Variants in USP24 observed in about 807,000 individuals in gnomAD.
The protein encoded by USP24 is ubiquitin specific peptidase 24.
Under a neutral mutation model 361.6 loss-of-function variants are expected in USP24, and 97 were observed. The observed-to-expected ratio is 0.27, with a 90% CI of 0.23 to 0.32. The LOEUF (loss-of-function observed/expected upper bound fraction) is 0.32, where lower values mean the gene tolerates loss of function less well. Ranked by LOEUF, USP24 falls within the 10% of genes least tolerant of loss-of-function variation. The pLI, the probability that USP24 is intolerant of heterozygous loss-of-function variation, is 1.00. For synonymous variants in USP24, 1,098 were observed against 1,124.6 expected (o/e 0.98, Z 0.47); for missense variants, 2,353 against 3,165.6 (o/e 0.74, Z 6.16).
At chr1:55,124,060 CAAAT>C (rs1339481392) in intron 35 of USP24, among the ~76,000 whole-genome samples, 2 of 151,980 alleles carry the variant, frequency 1.3e-5, no homozygotes, top group African/African-American at 4.8e-5. Flanking sequence ...GCAGGAAGAC[CAAAT>C]AAAGCTGGGA....
chr1:55,083,360 C>T lies in USP24; in HGVS notation c.6887G>A (p.Gly2296Glu). 6.2e-7 allele frequency: 1 copy of T among 1,613,366 alleles called. No individual in the cohort carries two copies. Among genetic ancestry groups the T allele is most frequent in the East Asian group, 2.2e-5 (1 of 44,862 alleles). ...CAGAAGAAGATCTCCAGCCCTAATT[C>T]CTTGCTGTCACAAGATATTGAGAAT... ...FLFNTFVQKQGIRAGDLLLRH... is the reference protein window; with the variant it reads ...FLFNTFVQKQEIRAGDLLLRH... The change falls in exon 58 of 68, where the codon GGA becomes GAA. Residue 2296 changes from glycine (G) to glutamate (E), a missense_variant. Around this residue, in one of 8 missense-constraint regions of USP24, gnomAD observed 598 missense variants for 761.9 expected, o/e 0.78. Transcript: ENST00000294383.
At chr1:55,088,075 T>C (rs974737464) in intron 55 of USP24, among the ~76,000 whole-genome samples, 4 of 152,354 alleles carry the variant, frequency 2.6e-5, no homozygotes, top group Non-Finnish European at 4.4e-5. Context: ...GTGAAAATTC[T>C]GGATTTTATT....
intron 1 of USP24, among the ~76,000 whole-genome samples, chr1:55,199,245 C>T (rs1451593415): frequency 6.6e-6 from 1 of 151,966 alleles, no homozygotes; most frequent in African/African-American, 2.4e-5. Context: ...GCCAAGATTG[C>T]ACCACTGCAC....
At chr1:55,093,018 T>C (rs1462763365) in intron 52 of USP24, 102 bp from the exon 53 acceptor site, 1 of 700,998 alleles carries the variant, frequency 1.4e-6, no homozygotes, top group Non-Finnish European at 2.2e-6. Flanking sequence ...AAAGCACTTA[T>C]AAAAAGTGAA....
At chr1:55,138,195 C>T (rs910955483) in intron 26 of USP24, among the ~76,000 whole-genome samples, 1 of 152,146 alleles carries the variant, frequency 6.6e-6, no homozygotes, top group Non-Finnish European at 1.5e-5. Flanking sequence ...ACACCAGCCA[C>T]CTTGCTTGCC....
rs114471787 is a variant in USP24 at position 55,116,531 on chromosome 1, G to A, written c.4508+4065C>T. Among the ~76,000 whole-genome samples the A allele has an allele frequency of 4.5e-4, 69 of 152,122 alleles. 1 individual carries two copies. Among genetic ancestry groups the A allele is most frequent in the African/African-American group, 1.4e-3 (60 of 41,536 alleles). On this transcript the variant is annotated intron_variant, in intron 38 of 67. Transcript: ENST00000294383. ...AATGGAAAGGATATAAGAGAGTACCGTAAGCAACTATATGCCAACAAATTA... is the reference window on the plus strand; with the variant it reads ...AATGGAAAGGATATAAGAGAGTACCATAAGCAACTATATGCCAACAAATTA...
intron 1 of USP24, among the ~76,000 whole-genome samples, chr1:55,202,752 G>A (rs1644609481): frequency 1.3e-5 from 2 of 152,160 alleles, no homozygotes; most frequent in African/African-American, 4.8e-5. Context: ...AATACCATGA[G>A]CAACTGTGGA....
At chr1:55,078,717 T>C in intron 60 of USP24, 66 bp from the exon 61 acceptor site, 1 of 1,268,352 alleles carries the variant, frequency 7.9e-7, no homozygotes, top group South Asian at 1.4e-5. Context: ...CTGTTGTTGC[T>C]GCCTTTAACT....
Position 55,083,384 on chromosome 1 carries a change from A to G in USP24, c.6883-20T>C, listed in dbSNP as rs748168184. On this transcript the variant is annotated intron_variant, in intron 57 of 67. Transcript: ENST00000294383. ...TCCTTGCTGTCACAAGATATTGAGA[A>G]TAACAAATTATATTTCTATCCAGAC... The G allele has an allele frequency of 3.7e-6, 6 of 1,611,162 alleles. No individual in the cohort carries two copies. The highest frequency in any genetic ancestry group is 2.2e-5 in the East Asian group (1 of 44,832).
In USP24 at chr1:55,146,109, T is replaced by A. The variant is rs1294812829; in HGVS notation, c.2251A>T (p.Met751Leu). ...CCTTTTGTAAACCATTCAAAACACA[T>A]CTGTGGAATAAGACGAATATCACCC... is the stretch of plus-strand genomic sequence containing the variant. ...GQDVCELDRE[M>L]CFEWFTKGQH... The change falls in exon 20 of 68, where the codon ATG becomes TTG. Residue 751 changes from methionine to leucine, a missense_variant and splice_region_variant. Coordinates refer to ENST00000294383, the MANE Select transcript of USP24 (RefSeq NM_015306.3). The A allele has an allele frequency of 9.9e-6, 16 of 1,609,686 alleles. No individual in the cohort carries two copies. Among genetic ancestry groups the A allele is most frequent in the Non-Finnish European group, 1.3e-5 (15 of 1,176,856 alleles).
intron 17 of USP24, 98 bp downstream of exon 17, chr1:55,148,364 AT>A (rs1647094631): frequency 5.0e-5 from 2 of 40,320 alleles, no homozygotes; most frequent in East Asian, 0.011. Context: ...ATCAATAAAC[AT>A]AAAGATAGTG....
Position 55,103,866 on chromosome 1 carries a change from G to C in USP24, c.5025+10C>G, listed in dbSNP as rs1553149210. On this transcript the variant is annotated intron_variant, in intron 42 of 67. Transcript: ENST00000294383. ...AAAAAATTAAGTTCATCAACGTCTA[G>C]AAAACCTACATCAAACTCCTTGGTA... is the stretch of plus-strand genomic sequence containing the variant. 1 of 1,605,360 alleles carries C rather than the reference G, an allele frequency of 6.2e-7. No homozygotes were observed. Among genetic ancestry groups the C allele is most frequent in the Non-Finnish European group, 8.5e-7 (1 of 1,176,548 alleles).
chr1:55,070,109 G>A (rs1281273599), intron 67 of USP24, among the ~76,000 whole-genome samples: 1 of 152,028 alleles, frequency 6.6e-6, no homozygotes, highest in Non-Finnish European at 1.5e-5. Flanking sequence ...CTTTCAAAGG[G>A]AGCTGTCCGG....
At chr1:55,150,402 T>C (rs1647160481) in intron 16 of USP24, among the ~76,000 whole-genome samples, 1 of 152,174 alleles carries the variant, frequency 6.6e-6, no homozygotes, top group Admixed American at 6.5e-5. Flanking sequence ...ACTGGCATCT[T>C]AGAATCACAG....
At chr1:55,156,414 A>AT (rs1231000146) in intron 12 of USP24, among the ~76,000 whole-genome samples, 1 of 152,170 alleles carries the variant, frequency 6.6e-6, no homozygotes, top group Non-Finnish European at 1.5e-5. Context: ...GTAGAAGAGA[A>AT]TAAGTTAGTA....
intron 51 of USP24, among the ~76,000 whole-genome samples, chr1:55,094,823 AC>A (rs1328946941): frequency 6.6e-6 from 1 of 151,726 alleles, no homozygotes; most frequent in East Asian, 1.9e-4. Context: ...ACATTGGGAG[AC>A]CTTATCTTTA....
Position 55,097,932 on chromosome 1 carries a change from A to T in USP24, c.5595+11T>A. On this transcript the variant is annotated intron_variant, in intron 47 of 67. Transcript: ENST00000294383. ...ATTAATCTTGTTTTTTAAAAAGGGC[A>T]AACATAATACCTTTTCTTTACACTT... 1 of 1,581,788 alleles carries T rather than the reference A, an allele frequency of 6.3e-7. No individual in the cohort carries two copies. Among genetic ancestry groups the T allele is most frequent in the East Asian group, 2.2e-5 (1 of 44,644 alleles).
At chr1:55,078,986 CTG>C (rs1645085966) in intron 60 of USP24, among the ~76,000 whole-genome samples, 1 of 147,940 alleles carries the variant, frequency 6.8e-6, no homozygotes, top group South Asian at 2.2e-4. Context: ...TAGCACAACA[CTG>C]TTAATTTAAA....
chr1:55,103,177 T>C (rs575041216), intron 42 of USP24, among the ~76,000 whole-genome samples: 14 of 152,332 alleles, frequency 9.2e-5, no homozygotes, highest in African/African-American at 3.1e-4. Flanking sequence ...CACAGCTGTG[T>C]TCATATTCTT....
Sources: gnomAD v4.1 joint callset for allele counts (sites outside exome capture counted in the v4.1 genomes callset) on GRCh38, gnomAD v4.1.1 for gene constraint, gnomAD v4.1.1 regional missense constraint, MANE v1.5 for transcripts, NCBI Gene and HGNC (gene_info 2026-07-23, HGNC 2026-07-21) for gene names.